Variants in BCKDHB observed in about 807,000 individuals in gnomAD.
The protein encoded by BCKDHB is 2-oxoisovalerate dehydrogenase subunit beta, mitochondrial.
Under a neutral mutation model 48.5 loss-of-function variants are expected in BCKDHB, and 41 were observed. That is an observed-to-expected ratio of 0.85 (90% CI 0.66 to 1.10). The LOEUF (loss-of-function observed/expected upper bound fraction) is 1.10, where lower values mean the gene tolerates loss of function less well. BCKDHB is among the 50% of genes least tolerant of loss of function. The pLI, the probability that BCKDHB is intolerant of heterozygous loss-of-function variation, is 0.00. For missense variants in BCKDHB, 496 were observed against 494.2 expected, an observed-to-expected ratio of 1.00 and a Z score of -0.03; for synonymous variants, 201 against 174.8, an observed-to-expected ratio of 1.15 and a Z score of -1.18.
At chr6:80,235,795 G>A (rs1487360485) in intron 8 of BCKDHB, among the ~76,000 whole-genome samples, 2 of 152,156 alleles carry the variant, frequency 1.3e-5, no homozygotes, top group Non-Finnish European at 2.9e-5. Flanking sequence ...TCATCTTTGA[G>A]TTTTATGAAC....
chr6:80,292,825 G>A (rs188492139), intron 9 of BCKDHB, among the ~76,000 whole-genome samples: 32 of 152,242 alleles, frequency 2.1e-4, no homozygotes, highest in African/African-American at 6.7e-4. Flanking sequence ...AAATACACTC[G>A]TTCCAAACAG....
At chr6:80,180,980 C>T (rs1299512475) in intron 6 of BCKDHB, among the ~76,000 whole-genome samples, 3 of 152,110 alleles carry the variant, frequency 2.0e-5, no homozygotes, top group African/African-American at 7.2e-5. Flanking sequence ...ATGATAGCTT[C>T]TAATAAAAAA....
downstream of BCKDHB, among the ~76,000 whole-genome samples, chr6:80,347,705 A>T (rs1374028140): frequency 6.6e-6 from 1 of 152,168 alleles, no homozygotes; most frequent in African/African-American, 2.4e-5. Context: ...CTGTATTTGA[A>T]AGCCTCTTTT....
intron 6 of BCKDHB, among the ~76,000 whole-genome samples, chr6:80,188,766 C>T (rs962925313): frequency 2.0e-5 from 3 of 152,018 alleles, no homozygotes; most frequent in Non-Finnish European, 2.9e-5. Flanking sequence ...ATATGGCAAA[C>T]CTGCACATGT....
Position 80,174,986 on chromosome 6 carries a change from T to C in BCKDHB, c.742+3596T>C, listed in dbSNP as rs1773082512. ...CCATAAAGTTAGATATGTTAAGTTA[T>C]GCTAATATAAGGCCTCAAGTAATAT... On this transcript the variant is annotated intron_variant, in intron 6 of 9. Transcript: ENST00000320393. Among the ~76,000 whole-genome samples the C allele has an allele frequency of 2.6e-5, 4 of 152,378 alleles. No homozygotes were observed. The South Asian group carries it at 8.3e-4, about 32-fold the overall frequency.
intron 1 of BCKDHB, among the ~76,000 whole-genome samples, chr6:80,125,595 C>T (rs1455175528): frequency 6.6e-6 from 1 of 152,168 alleles, no homozygotes; most frequent in Non-Finnish European, 1.5e-5. Context: ...CCTCCTTTCA[C>T]TTGAAAACTT....
chr6:80,390,859 A>C, the BCKDHB span, among the ~76,000 whole-genome samples: 1 of 152,136 alleles, frequency 6.6e-6, no homozygotes, highest in African/African-American at 2.4e-5. Flanking sequence ...AAGGAGATTA[A>C]CATTTGAGTC....
chr6:80,203,207 T>C lies in BCKDHB; in HGVS notation c.946T>C (p.Cys316Arg). The change falls in exon 8 of 10, where the codon TGT becomes CGT. Residue 316 changes from cysteine (C) to arginine (R), a missense_variant. Coordinates refer to ENST00000320393, the MANE Select transcript of BCKDHB (RefSeq NM_183050.4). ...TIIPWDVDTI[C>R]KSVIKTGRLL... The stretch of plus-strand genomic sequence containing the variant: ...AATACCTTGGGATGTGGACACAATT[T>C]GTAAGGTATGAATATAATGGTGATA... 1 of 1,585,208 alleles carries C rather than the reference T, an allele frequency of 6.3e-7. No individual in the cohort carries two copies.
At chr6:80,171,086 A>G (rs1042314150) in intron 5 of BCKDHB, among the ~76,000 whole-genome samples, 196 bp from the exon 6 acceptor site, 1 of 152,120 alleles carries the variant, frequency 6.6e-6, no homozygotes, top group African/African-American at 2.4e-5. Flanking sequence ...CATCTGATAA[A>G]TATCTGTTGA....
At chr6:80,357,260 G>A in the BCKDHB span, among the ~76,000 whole-genome samples, 2 of 152,166 alleles carry the variant, frequency 1.3e-5, no homozygotes, top group African/African-American at 4.8e-5. Context: ...CAAGGAGGAG[G>A]GAATTGTCCT....
chr6:80,210,798 C>T (rs1753141334), intron 8 of BCKDHB, among the ~76,000 whole-genome samples: 1 of 152,048 alleles, frequency 6.6e-6, no homozygotes. Context: ...AACAGGAGCT[C>T]ATAAGTAGGG....
chr6:80,357,354 A>G, the BCKDHB span, among the ~76,000 whole-genome samples: 1 of 152,090 alleles, frequency 6.6e-6, no homozygotes, highest in African/African-American at 2.4e-5. Flanking sequence ...AGCTGTTGAA[A>G]CAGAATGGAG....
chr6:80,237,108 T>C (rs1436400561), intron 8 of BCKDHB, among the ~76,000 whole-genome samples: 1 of 152,170 alleles, frequency 6.6e-6, no homozygotes, highest in Non-Finnish European at 1.5e-5. Flanking sequence ...AAGGTAGAAA[T>C]TGAGAGAGTT....
At chr6:80,384,269 C>G in the BCKDHB span, among the ~76,000 whole-genome samples, 1 of 152,076 alleles carries the variant, frequency 6.6e-6, no homozygotes, top group South Asian at 2.1e-4. Flanking sequence ...GGCCTAGCCT[C>G]CCAGCCCACA....
At position 80,106,896 on chromosome 6, in the gene BCKDHB, C is replaced by T. The variant is rs753090498; in HGVS notation, c.196+7C>T. The T allele has an allele frequency of 2.5e-6, 4 of 1,599,716 alleles. No homozygotes were observed. The highest frequency in any genetic ancestry group is 1.7e-5 in the Admixed American group (1 of 58,546). ...CCGGAGCCCCGGGAGTACGGTGAGC[C>T]CTGGGACTGCCCACTCGGTCCCGCT... On this transcript the variant is annotated splice_region_variant and intron_variant, in intron 1 of 9. Coordinates refer to ENST00000320393, the MANE Select transcript of BCKDHB (RefSeq NM_183050.4).
At chr6:80,157,539 C>G (rs1225883853) in intron 3 of BCKDHB, among the ~76,000 whole-genome samples, 1 of 144,550 alleles carries the variant, frequency 6.9e-6, no homozygotes, top group Non-Finnish European at 1.5e-5. Flanking sequence ...GATCTTGGCT[C>G]ACCGCAACCT....
At chr6:80,188,557 C>G (rs1014428072) in intron 6 of BCKDHB, among the ~76,000 whole-genome samples, 2 of 152,018 alleles carry the variant, frequency 1.3e-5, no homozygotes, top group South Asian at 2.1e-4. Flanking sequence ...GAAGATCACT[C>G]GAGCCTGGGA....
In BCKDHB at chr6:80,288,372, T is replaced by C. The variant is rs377697308; in HGVS notation, c.1038+15151T>C. ...AAACTTCACTTTCATTAAATCATAT[T>C]GTTAAAGGCCTGAAATTCTATAAAA... On this transcript the variant is annotated intron_variant, in intron 9 of 9. Coordinates refer to ENST00000320393, the MANE Select transcript of BCKDHB (RefSeq NM_183050.4). 6.6e-5 allele frequency among the ~76,000 whole-genome samples: 10 copies of C among 152,282 alleles called. No homozygotes were observed. In the East Asian group the frequency reaches 1.5e-3, roughly 23 times the overall value.
the BCKDHB span, among the ~76,000 whole-genome samples, chr6:80,408,852 T>A: frequency 2.6e-5 from 4 of 151,712 alleles, no homozygotes; most frequent in East Asian, 1.9e-4. Flanking sequence ...TTTTGAAGGG[T>A]TTTTTGTGTC....
Sources: allele counts gnomAD v4.1 joint callset (sites outside exome capture counted in the v4.1 genomes callset), GRCh38; gene constraint gnomAD v4.1.1; transcripts MANE v1.5; gene names NCBI Gene and HGNC (gene_info 2026-07-23, HGNC 2026-07-21).